HOOK2: variants seen among roughly 807,000 people sequenced by gnomAD.
The protein encoded by HOOK2 is hook microtubule tethering protein 2.
HOOK2 carries 108 observed loss-of-function variants against 111.9 expected under a neutral mutation model. The ratio of observed to expected loss-of-function variants is 0.96; its 90% CI spans 0.83 to 1.13. HOOK2 has a LOEUF of 1.13. HOOK2 is among the 50% of genes most tolerant of loss of function. HOOK2 has a pLI of 0.00. For synonymous variants in HOOK2, 405 were observed against 394.3 expected, an observed-to-expected ratio of 1.03 and a Z score of -0.32; for missense variants, 978 against 951.3, an observed-to-expected ratio of 1.03 and a Z score of -0.37.
intron 3 of HOOK2, among the ~76,000 whole-genome samples, chr19:12,783,793 T>C (rs77601006): frequency 0.042 from 6,329 of 152,214 alleles, 152 homozygotes; most frequent in Admixed American, 0.052. Context: ...GCTCCTCCTG[T>C]TTCTCAGGCC....
upstream of HOOK2, among the ~76,000 whole-genome samples, chr19:12,782,507 G>A (rs917903614): frequency 6.6e-6 from 1 of 152,248 alleles, no homozygotes; most frequent in African/African-American, 2.4e-5. Flanking sequence ...GTTCCCCTCC[G>A]GGAGGCGCCC....
rs1396706408 is a variant in HOOK2, at chr19:12,785,395, TAC to T, written n.42-11172_42-11171del. Among the ~76,000 whole-genome samples, 5 of 149,184 alleles carry T rather than the reference TAC, an allele frequency of 3.4e-5. No homozygotes were observed. In the South Asian group the frequency reaches 6.3e-4, roughly 19 times the overall value. The stretch of plus-strand genomic sequence containing the variant: ...ACACAAATGCACATTACAGATCGTA[TAC>T]ACACAGACCAGCCACAGACCTCTTT... On this transcript the variant is annotated intron_variant and non_coding_transcript_variant, in intron 3 of 3. Transcript: ENST00000589765.
intron 11 of HOOK2, among the ~76,000 whole-genome samples, chr19:12,769,293 G>T (rs559747556): frequency 6.6e-6 from 1 of 151,972 alleles, no homozygotes; most frequent in South Asian, 2.1e-4. Flanking sequence ...GTAGAGACAG[G>T]GTTTTGCTAT....
At chr19:12,777,944 A>T (rs1319516121), upstream of HOOK2, among the ~76,000 whole-genome samples, 1 of 152,232 alleles carries the variant, frequency 6.6e-6, no homozygotes, top group African/African-American at 2.4e-5. Context: ...AATCCTCCCC[A>T]TGTCTCCAGA....
chr19:12,787,847 G>C (rs925071523), intron 3 of HOOK2, among the ~76,000 whole-genome samples: 1 of 151,896 alleles, frequency 6.6e-6, no homozygotes, highest in Non-Finnish European at 1.5e-5. Context: ...ACAAGGTCAG[G>C]AGTTCGAGAC....
Position 12,775,543 on chromosome 19 carries a change from C to A in HOOK2, c.-94G>T. ...GCGAGCGCCCGCAGCCCCGACCTCCCGCTCGGCCTAGAGCGCCGCCCCGCC... is the reference window on the plus strand; with the variant it reads ...GCGAGCGCCCGCAGCCCCGACCTCCAGCTCGGCCTAGAGCGCCGCCCCGCC... On this transcript the variant is annotated 5_prime_UTR_variant, in exon 1 of 23. Coordinates refer to ENST00000397668, the MANE Select transcript of HOOK2 (RefSeq NM_013312.3). The A allele has an allele frequency of 7.1e-7, 1 of 1,403,954 alleles. No homozygotes were observed. Among genetic ancestry groups the A allele is most frequent in the Non-Finnish European group, 9.6e-7 (1 of 1,046,408 alleles). The allele number at this position is 1,403,954 out of a possible 1,614,324, so 87.0% of individuals were successfully genotyped here. A position where few individuals can be genotyped will look rare whatever the true frequency, so the allele number is the denominator to read the frequency against.
Position 12,790,541 on chromosome 19 carries a change from G to A in HOOK2, n.42-16316C>T, listed in dbSNP as rs1392535978. Among the ~76,000 whole-genome samples the A allele has an allele frequency of 6.6e-6, 1 of 152,174 alleles. No homozygotes were observed. Among genetic ancestry groups the A allele is most frequent in the African/African-American group, 2.4e-5 (1 of 41,428 alleles). ...ACCATCGAGGGGGAGCAGCAGTCGTGGAAGATCCAGCAGTCCTGGTGCGCG... is the reference window on the plus strand; with the variant it reads ...ACCATCGAGGGGGAGCAGCAGTCGTAGAAGATCCAGCAGTCCTGGTGCGCG... On this transcript the variant is annotated intron_variant and non_coding_transcript_variant, in intron 3 of 3. Transcript: ENST00000589765. This position sits in a 1 kb window ranked among gnomAD's most constrained non-coding sequence, Gnocchi z 7.2.
chr19:12,775,262 T>G, intron 1 of HOOK2, 143 bp downstream of exon 1: 3 of 1,452,490 alleles, frequency 2.1e-6, no homozygotes, highest in Non-Finnish European at 2.7e-6. Flanking sequence ...GGGCGGGTGC[T>G]CGGGCCAGAG....
rs1181415931 is a variant in HOOK2 at position 12,770,426 on chromosome 19, C to T, written c.903-344G>A. On this transcript the variant is annotated intron_variant, in intron 10 of 22. Coordinates refer to ENST00000397668, the MANE Select transcript of HOOK2 (RefSeq NM_013312.3). The stretch of plus-strand genomic sequence containing the variant: ...GGGGAGGTATGGGACAAGAGGACTG[C>T]GGGGTCCTTAGAAGTGCAATTGGGG... Among the ~76,000 whole-genome samples the T allele has an allele frequency of 2.0e-5, 3 of 151,298 alleles. No homozygotes were observed. The East Asian group carries it at 5.8e-4, about 29-fold the overall frequency.
chr19:12,783,128 C>T (rs1162384681), upstream of HOOK2, among the ~76,000 whole-genome samples: 4 of 152,054 alleles, frequency 2.6e-5, no homozygotes, highest in Non-Finnish European at 5.9e-5. Context: ...CCGTGACTCA[C>T]CCCTCCCGGC....
intron 13 of HOOK2, 41 bp from the exon 14 acceptor site, chr19:12,767,505 C>T: frequency 6.7e-7 from 1 of 1,493,380 alleles, no homozygotes; most frequent in South Asian, 1.1e-5. Context: ...CTTCGCATCC[C>T]CTGTCCCCGC....
Position 12,766,096 on chromosome 19 carries a change from C to A in HOOK2, c.1511+7G>T. On this transcript the variant is annotated splice_region_variant and intron_variant, in intron 15 of 22. Transcript: ENST00000397668. ...TGCTCCGCGCAGGTAGGTCCCCAGG[C>A]GCTCACCGGTGCTGCGTCTCCAACC... The A allele has an allele frequency of 1.2e-6, 2 of 1,601,556 alleles. No individual in the cohort carries two copies. The highest frequency in any genetic ancestry group is 1.7e-6 in the Non-Finnish European group (2 of 1,177,100).
intron 3 of HOOK2, chr19:12,792,062 C>G (rs1968724310): frequency 1.9e-6 from 3 of 1,609,440 alleles, no homozygotes; most frequent in African/African-American, 1.3e-5. Flanking sequence ...ACAGCAACGG[C>G]GTGATCACGA....
chr19:12,767,558 G>C (rs776672386), intron 13 of HOOK2, 94 bp from the exon 14 acceptor site: 1 of 1,131,418 alleles, frequency 8.8e-7, no homozygotes, highest in Admixed American at 1.9e-5. Context: ...GGGGCTTCAA[G>C]TTCAGCCAAC....
rs1374693485 is a variant in HOOK2 at position 12,768,183 on chromosome 19, G to C, written c.1105-60C>G. The C allele has an allele frequency of 3.7e-6, 5 of 1,339,476 alleles. No individual in the cohort carries two copies. The East Asian group carries it at 9.3e-5, about 25-fold the overall frequency. 83.0% of individuals were successfully genotyped at this position (1,339,476 alleles called of 1,614,324 possible). On this transcript the variant is annotated intron_variant, in intron 11 of 22. Coordinates refer to ENST00000397668, the MANE Select transcript of HOOK2 (RefSeq NM_013312.3). Reference sequence around the variant, plus strand: ...GGCTGGGAGCAGGGGCAGGGGCTGAGTACAAATGGTCCCCGATCCAGGATG... The same window carrying C: ...GGCTGGGAGCAGGGGCAGGGGCTGACTACAAATGGTCCCCGATCCAGGATG...
In HOOK2 at chr19:12,773,014, G is replaced by C; in HGVS notation, c.235C>G (p.Leu79Val). The change falls in exon 4 of 23, where the codon CTA becomes GTA. Residue 79 changes from leucine (L) to valine (V), a missense_variant. Physicochemically the swap from Leu to Val is conservative, Grantham distance 32. Around this residue, in one of 5 missense-constraint regions of HOOK2, gnomAD observed 301 missense variants for 286.1 expected, o/e 1.05. Transcript: ENST00000397668. ...CTCACATCCTGGGAGTACTCTACTA[G>C]GCTCCGTAAGACCATCTTCAGATTG... ...VSNLKMVLRS[L>V]VEYSQDVLAH... is the part of the protein sequence containing the mutation. The C allele has an allele frequency of 6.2e-7, 1 of 1,614,072 alleles. No homozygotes were observed. Among genetic ancestry groups the C allele is most frequent in the East Asian group, 2.2e-5 (1 of 44,842 alleles).
At chr19:12,771,703 C>T (rs1186415686) in intron 7 of HOOK2, 2 of 544,086 alleles carry the variant, frequency 3.7e-6, no homozygotes, top group South Asian at 2.1e-5. Context: ...CCCAACGTGG[C>T]GAACCCCTTC....
chr19:12,780,160 A>G (rs546692688), upstream of HOOK2, among the ~76,000 whole-genome samples: 2 of 152,176 alleles, frequency 1.3e-5, no homozygotes, highest in African/African-American at 4.8e-5. Flanking sequence ...AAAAACAACA[A>G]CAACCAAAAA....
upstream of HOOK2, among the ~76,000 whole-genome samples, chr19:12,779,542 G>C (rs1968575808): frequency 6.6e-6 from 1 of 152,160 alleles, no homozygotes; most frequent in Admixed American, 6.5e-5. Flanking sequence ...GTTTTTGAGA[G>C]AAAGGGTTTT....
Sources: allele counts gnomAD v4.1 joint callset (sites outside exome capture counted in the v4.1 genomes callset), GRCh38; gene constraint gnomAD v4.1.1; regional missense constraint gnomAD v4.1.1; non-coding constraint Gnocchi (gnomAD v3.1); transcripts MANE v1.5; gene names NCBI Gene and HGNC (gene_info 2026-07-23, HGNC 2026-07-21).